SMARCA2: variants seen among roughly 807,000 people sequenced by gnomAD.
The protein encoded by SMARCA2 is SWI/SNF-related matrix-associated actin-dependent regulator of chromatin subfamily A member 2.
Under a neutral mutation model 199.8 loss-of-function variants are expected in SMARCA2, and 61 were observed. The ratio of observed to expected loss-of-function variants is 0.31; its 90% confidence interval spans 0.25 to 0.38. The LOEUF is 0.38. Ranked by LOEUF, SMARCA2 falls within the 10% of genes least tolerant of loss-of-function variation. SMARCA2 has a pLI of 1.00. For missense variants in SMARCA2, 1,344 were observed against 2,012.2 expected, an observed-to-expected ratio of 0.67 and a Z score of 6.35; for synonymous variants, 935 against 732.0, an observed-to-expected ratio of 1.28 and a Z score of -4.48.
chr9:2,027,485 T>C (rs1032554376), intron 1 of SMARCA2, among the ~76,000 whole-genome samples: 1 of 152,072 alleles, frequency 6.6e-6, no homozygotes, highest in African/African-American at 2.4e-5. Context: ...AAAAGTTGAT[T>C]TTATTAATAG....
chr9:2,120,509 A>G (rs1377059278), intron 26 of SMARCA2, among the ~76,000 whole-genome samples: 1 of 152,210 alleles, frequency 6.6e-6, no homozygotes, highest in African/African-American at 2.4e-5. Context: ...TTAAGTTATT[A>G]TATAACACTG....
chr9:2,055,736 A>C (rs917376001), intron 6 of SMARCA2: 19 of 152,318 alleles, frequency 1.2e-4, no homozygotes, highest in Middle Eastern at 6.8e-3. Context: ...TTAAATTTTA[A>C]AAAGAAAAGG....
intron 3 of SMARCA2, among the ~76,000 whole-genome samples, chr9:2,037,263 C>T (rs527364017): frequency 7.2e-5 from 11 of 152,270 alleles, no homozygotes; most frequent in African/African-American, 2.6e-4. Flanking sequence ...AACAACATGT[C>T]AGGATTTAAA....
Position 2,110,900 on chromosome 9 carries a change from A to C in SMARCA2, c.3456+483A>C, listed in dbSNP as rs1448476703. On this transcript the variant is annotated intron_variant, in intron 24 of 33. Coordinates refer to ENST00000349721, the MANE Select transcript of SMARCA2 (RefSeq NM_003070.5). This position sits in a 1 kb window ranked among gnomAD's most constrained non-coding sequence, Gnocchi z 4.8. The stretch of plus-strand genomic sequence containing the variant: ...CAGGGTAAGTAACTTCCCCAAGGCC[A>C]AATAGTATTACAGTAGTTAACCTTT... 6.6e-6 allele frequency among the ~76,000 whole-genome samples: 1 copy of C among 152,244 alleles called. No individual in the cohort carries two copies. Among genetic ancestry groups the C allele is most frequent in the Non-Finnish European group, 1.5e-5 (1 of 68,042 alleles).
chr9:2,192,677 A>T, intron 33 of SMARCA2, 27 bp from the exon 34 acceptor site: 1 of 1,547,284 alleles, frequency 6.5e-7, no homozygotes, highest in East Asian at 2.2e-5. Flanking sequence ...ATGTTACTTC[A>T]TTTTATCTTC....
chr9:2,060,118 CAAAAAAAAA>C (rs372329238), intron 8 of SMARCA2, among the ~76,000 whole-genome samples: 19 of 62,414 alleles, frequency 3.0e-4, no homozygotes, highest in Admixed American at 4.5e-4. Context: ...GATCTGTGGC[CAAAAAAAAA>C]AAAAAAAAAA....
intron 27 of SMARCA2, among the ~76,000 whole-genome samples, chr9:2,141,954 A>ACAGC (rs1445550176): frequency 3.9e-5 from 6 of 152,098 alleles, no homozygotes; most frequent in Non-Finnish European, 8.8e-5. Flanking sequence ...AGAATTGAAG[A>ACAGC]CAGCCTCCTG....
At chr9:2,103,402 T>C (rs371880949) in intron 22 of SMARCA2, among the ~76,000 whole-genome samples, 9 of 152,336 alleles carry the variant, frequency 5.9e-5, no homozygotes, top group South Asian at 2.1e-4. Context: ...CATGTTGCTG[T>C]GAGTTTTCTC....
rs1307331797 is a variant in SMARCA2, at chr9:2,186,114, G to A, written c.4480G>A (p.Val1494Ile). 2.5e-6 allele frequency: 4 copies of A among 1,613,912 alleles called. No homozygotes were observed. The highest frequency in any genetic ancestry group is 2.5e-6 in the Non-Finnish European group (3 of 1,179,930). The change falls in exon 32 of 34, where the codon GTC (valine) becomes ATC (isoleucine). Residue 1494 changes from valine to isoleucine, a missense_variant. Physicochemically the swap from Val to Ile is conservative, Grantham distance 29. Coordinates refer to ENST00000349721, the MANE Select transcript of SMARCA2 (RefSeq NM_003070.5). ...CATTTAGATCTATGAAGACTCCATC[G>A]TCTTACAGTCAGTGTTTAAGAGTGC... ...EGSQIYEDSI[V>I]LQSVFKSARQ...
chr9:2,025,365 T>C (rs1818783684), intron 1 of SMARCA2, among the ~76,000 whole-genome samples: 2 of 152,152 alleles, frequency 1.3e-5, no homozygotes, highest in Non-Finnish European at 2.9e-5. Flanking sequence ...ATTTTTGTCA[T>C]TATGTTTTTA....
chr9:2,174,795 C>G (rs917892081), intron 29 of SMARCA2, among the ~76,000 whole-genome samples: 1 of 151,660 alleles, frequency 6.6e-6, no homozygotes, highest in Non-Finnish European at 1.5e-5. Context: ...TGGCATACTC[C>G]AGTAGTCCTG....
chr9:2,107,865 G>A (rs2130570195), intron 23 of SMARCA2, among the ~76,000 whole-genome samples: 1 of 152,232 alleles, frequency 6.6e-6, no homozygotes, highest in South Asian at 2.1e-4. Flanking sequence ...CACAGGTTTT[G>A]CAAAAGAGAA....
At chr9:2,141,836 C>A (rs1484604451) in intron 27 of SMARCA2, among the ~76,000 whole-genome samples, 1 of 152,142 alleles carries the variant, frequency 6.6e-6, no homozygotes, top group Non-Finnish European at 1.5e-5. Context: ...GCCCCTTTGC[C>A]CACTGAGCTG....
intron 9 of SMARCA2, among the ~76,000 whole-genome samples, chr9:2,061,486 A>G (rs1032383680): frequency 6.6e-5 from 10 of 152,192 alleles, no homozygotes; most frequent in African/African-American, 2.4e-4. Flanking sequence ...GAGTGTGCAC[A>G]TTGGGGTTTT....
chr9:2,146,412 T>A (rs1490047490), intron 27 of SMARCA2, among the ~76,000 whole-genome samples: 1 of 152,120 alleles, frequency 6.6e-6, no homozygotes, highest in East Asian at 1.9e-4. Flanking sequence ...ATCATAGAGA[T>A]CTCTAGATTC....
rs768425077 is a variant in SMARCA2, at chr9:2,084,200, T to G, written c.2526+4T>G. 6.7e-6 allele frequency: 10 copies of G among 1,503,194 alleles called. No homozygotes were observed. The South Asian group carries it at 1.1e-4, about 17-fold the overall frequency. 93.1% of individuals were successfully genotyped at this position (1,503,194 alleles called of 1,614,324 possible). ...AGACAAGCACATTCTTGCAAAGGTA[T>G]GTTTTTAAAAAATTATTTTCTCTCT... On this transcript the variant is annotated splice_donor_region_variant and intron_variant, in intron 17 of 33. Transcript: ENST00000349721.
chr9:2,073,097 A>G, intron 10 of SMARCA2, 115 bp from the exon 11 acceptor site: 1 of 1,288,740 alleles, frequency 7.8e-7, no homozygotes, highest in Non-Finnish European at 1.1e-6. Flanking sequence ...TGAAATTTCC[A>G]AACACAGAAT....
At chr9:2,186,602 T>A (rs908315570) in intron 32 of SMARCA2, among the ~76,000 whole-genome samples, 1 of 149,290 alleles carries the variant, frequency 6.7e-6, no homozygotes, top group African/African-American at 2.5e-5. Context: ...AGTAGCTCAC[T>A]GCAACCTCCA....
At position 2,077,716 on chromosome 9, in the gene SMARCA2, C is replaced by G; in HGVS notation, c.2124C>G (p.Ile708Met). 1.2e-6 allele frequency: 2 copies of G among 1,614,028 alleles called. No individual in the cohort carries two copies. Among genetic ancestry groups the G allele is most frequent in the Non-Finnish European group, 1.7e-6 (2 of 1,179,944 alleles). Residue 708 changes from isoleucine to methionine, a missense_variant, in exon 14 of 34, where the codon ATC becomes ATG. By Grantham distance (10) the Ile-to-Met change is conservative. Coordinates refer to ENST00000349721, the MANE Select transcript of SMARCA2 (RefSeq NM_003070.5). The part of the protein sequence containing the change: ...SQSYYTVAHA[I>M]SERVEKQSAL... The stretch of plus-strand genomic sequence containing the variant: ...CCTACTACACCGTGGCTCATGCCAT[C>G]TCGGAGAGGGTGGAGAAACAGTCTG...
Sources: gnomAD v4.1 joint callset for allele counts (sites outside exome capture counted in the v4.1 genomes callset) on GRCh38, gnomAD v4.1.1 for gene constraint, Gnocchi (gnomAD v3.1) non-coding constraint, MANE v1.5 for transcripts, NCBI Gene and HGNC (gene_info 2026-07-23, HGNC 2026-07-21) for gene names.